The following ACTR10 variants were observed in gnomAD, a reference collection of about 807,000 sequenced individuals.
The protein encoded by ACTR10 is actin related protein 10, also known as actin-related protein 10.
ACTR10 carries 43 observed loss-of-function variants against 56.2 expected under a neutral mutation model. That is an observed-to-expected ratio of 0.77 (90% CI 0.60 to 0.99). ACTR10 has a LOEUF of 0.99. Among genes scored for constraint, ACTR10 ranks in the 50% least tolerant of loss-of-function variants. The pLI is 0.00. For synonymous variants in ACTR10, 170 were observed against 176.3 expected, an observed-to-expected ratio of 0.96 and a Z score of 0.28; for missense variants, 466 against 507.8, an observed-to-expected ratio of 0.92 and a Z score of 0.79.
rs200157500 is a variant in ACTR10 at position 58,223,877 on chromosome 14, G to A, written c.788+21G>A. 346 of 1,564,324 alleles carry A rather than the reference G, an allele frequency of 2.2e-4. 1 individual carries two copies. The African/African-American group carries it at 4.0e-3, about 18-fold the overall frequency. On this transcript the variant is annotated intron_variant, in intron 10 of 12. Transcript: ENST00000254286. ...ATCAGGTTAGATCTTAAATTTTTAC[G>A]GCAAAGTAGTAAACTAAAATAAACT...
intron 5 of ACTR10, among the ~76,000 whole-genome samples, chr14:58,212,047 GA>G (rs1461514040): frequency 6.6e-6 from 1 of 151,828 alleles, no homozygotes; most frequent in African/African-American, 2.4e-5. Flanking sequence ...TTGGGTTTTA[GA>G]ATCAAATACA....
intron 10 of ACTR10, among the ~76,000 whole-genome samples, chr14:58,228,931 A>G (rs142430464): frequency 6.6e-6 from 1 of 151,894 alleles, no homozygotes; most frequent in African/African-American, 2.4e-5. Context: ...ATCTTTTTTT[A>G]TTTTCAAATC....
At chr14:58,213,551 A>T (rs1889053083) in intron 5 of ACTR10, 80 bp from the exon 6 acceptor site, 2 of 819,930 alleles carry the variant, frequency 2.4e-6, no homozygotes, top group Admixed American at 2.9e-5. Context: ...TATTTAGAAC[A>T]GTACTGCAGA....
In ACTR10 at chr14:58,200,296, T is replaced by G; in HGVS notation, c.77+2T>G. 1 of 1,500,958 alleles carries G rather than the reference T, an allele frequency of 6.7e-7. No individual in the cohort carries two copies. The highest frequency in any genetic ancestry group is 8.9e-7 in the Non-Finnish European group (1 of 1,128,398). The allele number at this position is 1,500,958 out of a possible 1,614,324, so 93.0% of individuals were successfully genotyped here. ...CGACCTGGGAGAGGCCTTTACCAAGTGAGTGGCCGTGACGCCAGCTGTGTT... is the reference window on the plus strand; with the variant it reads ...CGACCTGGGAGAGGCCTTTACCAAGGGAGTGGCCGTGACGCCAGCTGTGTT... On this transcript the variant is annotated splice_donor_variant, in intron 1 of 12. Coordinates refer to ENST00000254286, the MANE Select transcript of ACTR10 (RefSeq NM_018477.3). LOFTEE classifies it high-confidence loss of function.
intron 10 of ACTR10, among the ~76,000 whole-genome samples, chr14:58,226,726 A>G (rs1484252007): frequency 6.6e-6 from 1 of 151,982 alleles, no homozygotes; most frequent in Admixed American, 6.6e-5. Context: ...TCAGCCTCCC[A>G]AGTAGCTGGG....
In ACTR10 at chr14:58,200,194, C is replaced by T. The variant is rs756463513; in HGVS notation, c.-24C>T. ...TGTTGGCCGCGGAGACTGCGACCCT[C>T]TTCTCTCAGTCTGCCTTACTACCAT... On this transcript the variant is annotated 5_prime_UTR_variant, in exon 1 of 13. Transcript: ENST00000254286. 36 of 1,504,102 alleles carry T rather than the reference C, an allele frequency of 2.4e-5. No homozygotes were observed. In the Admixed American group the frequency reaches 3.6e-4, roughly 15 times the overall value. The allele number at this position is 1,504,102 out of a possible 1,614,324, so 93.2% of individuals were successfully genotyped here. A position where few individuals can be genotyped will look rare whatever the true frequency, so the allele number is the denominator to read the frequency against.
chr14:58,235,605 A>G lies in ACTR10; in HGVS notation c.*1054A>G, dbSNP rs1246242431. The stretch of plus-strand genomic sequence containing the variant: ...CATTTAACTTTTATTTTATTTTTTC[A>G]TTTGTTTTTAATGAACTACCTCTTG... On this transcript the variant is annotated 3_prime_UTR_variant, in exon 13 of 13. Coordinates refer to ENST00000254286, the MANE Select transcript of ACTR10 (RefSeq NM_018477.3). 1 of 151,946 alleles carries G rather than the reference A, an allele frequency of 6.6e-6. No homozygotes were observed. Among genetic ancestry groups the G allele is most frequent in the African/African-American group, 2.4e-5 (1 of 41,376 alleles). 9.4% of individuals were successfully genotyped at this position (151,946 alleles called of 1,614,324 possible). A position where few individuals can be genotyped will look rare whatever the true frequency, so the allele number is the denominator to read the frequency against.
At chr14:58,219,515 AATG>A (rs1225522362) in intron 7 of ACTR10, 176 bp from the exon 8 acceptor site, 25 of 434,066 alleles carry the variant, frequency 5.8e-5, no homozygotes, top group African/African-American at 2.9e-4. Context: ...CTTGGCTTTG[AATG>A]ATGATATTTC....
intron 8 of ACTR10, among the ~76,000 whole-genome samples, chr14:58,221,834 C>T (rs554572817): frequency 7.2e-5 from 11 of 152,220 alleles, no homozygotes; most frequent in African/African-American, 2.6e-4. Context: ...AGGAGGATCA[C>T]TTGAACCCCA....
intron 7 of ACTR10, among the ~76,000 whole-genome samples, chr14:58,216,592 C>A (rs1230905185): frequency 6.6e-6 from 1 of 152,150 alleles, no homozygotes; most frequent in African/African-American, 2.4e-5. Flanking sequence ...TCCTTTGCTC[C>A]TTATTAAAGC....
At chr14:58,220,995 A>T (rs1244625807) in intron 8 of ACTR10, among the ~76,000 whole-genome samples, 3 of 152,110 alleles carry the variant, frequency 2.0e-5, no homozygotes, top group Admixed American at 6.6e-5. Context: ...AAAAACAAAT[A>T]TGCAGGGGCT....
At chr14:58,226,657 A>G (rs1403010754) in intron 10 of ACTR10, among the ~76,000 whole-genome samples, 4 of 151,754 alleles carry the variant, frequency 2.6e-5, no homozygotes, top group Admixed American at 1.3e-4. Context: ...CTGGAGTGCA[A>G]TGATGTGGTC....
chr14:58,215,179 C>A, intron 6 of ACTR10, 26 bp from the exon 7 acceptor site: 1 of 1,390,072 alleles, frequency 7.2e-7, no homozygotes, highest in Non-Finnish European at 1.0e-6. Flanking sequence ...ATTTTCATTC[C>A]AGTAACTTTT....
intron 8 of ACTR10, among the ~76,000 whole-genome samples, chr14:58,222,660 G>C (rs969258346): frequency 2.6e-5 from 4 of 151,666 alleles, no homozygotes; most frequent in African/African-American, 4.8e-5. Flanking sequence ...AGCTACTTGG[G>C]TGGCTGAGGT....
At chr14:58,213,823 C>G in intron 6 of ACTR10, 125 bp downstream of exon 6, 1 of 644,286 alleles carries the variant, frequency 1.6e-6, no homozygotes, top group Non-Finnish European at 2.5e-6. Flanking sequence ...TCATTCCGCC[C>G]TCTATTAGCT....
chr14:58,205,156 G>A (rs1253604485), intron 2 of ACTR10, among the ~76,000 whole-genome samples: 1 of 151,928 alleles, frequency 6.6e-6, no homozygotes, highest in African/African-American at 2.4e-5. Context: ...GGGAGGTGGA[G>A]GTTGTGGTGA....
At chr14:58,201,361 G>A (rs998876115) in intron 1 of ACTR10, among the ~76,000 whole-genome samples, 7 of 152,090 alleles carry the variant, frequency 4.6e-5, no homozygotes, top group Admixed American at 4.6e-4. Flanking sequence ...AATTATTTTG[G>A]CTGTACTTGG....
In ACTR10 at chr14:58,207,104, A is replaced by G. The variant is rs185331759; in HGVS notation, c.151-832A>G. 6.9e-3 allele frequency: 1,064 copies of G among 155,184 alleles called. 5 individuals carry two copies. The highest frequency in any genetic ancestry group is 0.011 in the Non-Finnish European group (790 of 70,336). The allele number at this position is 155,184 out of a possible 1,614,324, so 9.6% of individuals were successfully genotyped here. A position where few individuals can be genotyped will look rare whatever the true frequency, so the allele number is the denominator to read the frequency against. The stretch of plus-strand genomic sequence containing the variant: ...AGTGGCACGATCTTGGCTCACTGCA[A>G]CCTCTGCCTCCCTGCAACCTCCACC... On this transcript the variant is annotated intron_variant, in intron 2 of 12. Coordinates refer to ENST00000254286, the MANE Select transcript of ACTR10 (RefSeq NM_018477.3).
chr14:58,202,043 T>C (rs1888720832), intron 1 of ACTR10, among the ~76,000 whole-genome samples: 1 of 151,196 alleles, frequency 6.6e-6, no homozygotes, highest in Admixed American at 6.6e-5. Flanking sequence ...GAAGATTATG[T>C]TAATATGGGC....
Sources: allele counts gnomAD v4.1 joint callset (sites outside exome capture counted in the v4.1 genomes callset), GRCh38; gene constraint gnomAD v4.1.1; transcripts MANE v1.5; gene names NCBI Gene and HGNC (gene_info 2026-07-23, HGNC 2026-07-21).